Variants in ZNF280D observed in about 807,000 individuals in gnomAD.
ZNF280D encodes the protein suppressor of hairy wing homolog 4.
Under a neutral mutation model 94.7 loss-of-function variants are expected in ZNF280D, and 39 were observed. That is an observed-to-expected ratio of 0.41 (90% CI 0.32 to 0.54). The LOEUF is 0.54. ZNF280D is among the 20% of genes least tolerant of loss of function. The pLI, the probability that ZNF280D is intolerant of heterozygous loss-of-function variation, is 0.22. For missense variants in ZNF280D, 1,090 were observed against 1,149.3 expected, an observed-to-expected ratio of 0.95 and a Z score of 0.75; for synonymous variants, 398 against 377.6, an observed-to-expected ratio of 1.05 and a Z score of -0.63.
chr15:56,693,740 G>C (rs1422385834), intron 6 of ZNF280D, among the ~76,000 whole-genome samples: 2 of 151,994 alleles, frequency 1.3e-5, no homozygotes, highest in Non-Finnish European at 2.9e-5. Flanking sequence ...TGAGATATCA[G>C]GGCAAACAAA....
chr15:56,702,609 T>G (rs1473942925), intron 4 of ZNF280D, among the ~76,000 whole-genome samples: 1 of 152,152 alleles, frequency 6.6e-6, no homozygotes, highest in Non-Finnish European at 1.5e-5. Flanking sequence ...AGTTTGAATT[T>G]TGCAATATAA....
intron 9 of ZNF280D, among the ~76,000 whole-genome samples, chr15:56,686,912 A>G (rs1188198397): frequency 6.6e-6 from 1 of 152,148 alleles, no homozygotes; most frequent in African/African-American, 2.4e-5. Context: ...ATAGTCTCAG[A>G]TAAGTATATT....
chr15:56,723,422 C>T (rs2058475857), intron 1 of ZNF280D, among the ~76,000 whole-genome samples: 1 of 152,032 alleles, frequency 6.6e-6, no homozygotes, highest in East Asian at 1.9e-4. Flanking sequence ...TAACAGGTTT[C>T]CTTTTGAGGA....
At chr15:56,712,594 C>CAAAAAAAAAA (rs1171267893) in intron 1 of ZNF280D, among the ~76,000 whole-genome samples, 6 of 76,938 alleles carry the variant, frequency 7.8e-5, no homozygotes, top group South Asian at 6.8e-4. Context: ...ACCCTCATAC[C>CAAAAAAAAAA]AAAAAAAAAA....
chr15:56,658,358 T>G (rs1425522981), intron 17 of ZNF280D, 66 bp downstream of exon 17: 2 of 1,165,174 alleles, frequency 1.7e-6, no homozygotes, highest in Non-Finnish European at 2.5e-6. Context: ...AAAGCTGTTG[T>G]GTTAAAAAAA....
At chr15:56,723,482 G>A (rs2058479029) in intron 1 of ZNF280D, among the ~76,000 whole-genome samples, 2 of 152,138 alleles carry the variant, frequency 1.3e-5, no homozygotes, top group South Asian at 2.1e-4. Flanking sequence ...CACTATGAAT[G>A]TACTAAATGC....
At chr15:56,650,806 G>A (rs1238624174) in intron 19 of ZNF280D, among the ~76,000 whole-genome samples, 7 of 152,070 alleles carry the variant, frequency 4.6e-5, no homozygotes, top group Admixed American at 4.6e-4. Flanking sequence ...GAAAACAGAG[G>A]AGGGGAGAAA....
chr15:56,733,494 GGAGGAGGAGAAA>G lies in ZNF280D; in HGVS notation c.-134_-123del. The G allele has an allele frequency of 8.8e-7, 1 of 1,137,970 alleles. No homozygotes were observed. The highest frequency in any genetic ancestry group is 1.1e-6 in the Non-Finnish European group (1 of 916,264). 70.5% of individuals were successfully genotyped at this position (1,137,970 alleles called of 1,614,324 possible). On this transcript the variant is annotated 5_prime_UTR_variant, in exon 1 of 22. Transcript: ENST00000267807. ...CGGATCGGCCTGACTGGAGCCCTGA[GGAGGAGGAGAAA>G]GAGGAGGAGGAAAAGGAGGAGCACG...
intron 1 of ZNF280D, among the ~76,000 whole-genome samples, chr15:56,716,644 G>C (rs2058060900): frequency 6.6e-6 from 1 of 152,054 alleles, no homozygotes; most frequent in African/African-American, 2.4e-5. Context: ...ACCACTGAGG[G>C]ATTTTAAGTG....
At chr15:56,666,008 C>A (rs1212014777) in intron 16 of ZNF280D, among the ~76,000 whole-genome samples, 1 of 152,026 alleles carries the variant, frequency 6.6e-6, no homozygotes, top group African/African-American at 2.4e-5. Context: ...TGGTGGCTCA[C>A]ACCTGTTGTC....
intron 19 of ZNF280D, among the ~76,000 whole-genome samples, chr15:56,648,899 C>A (rs2053049948): frequency 6.6e-6 from 1 of 152,014 alleles, no homozygotes; most frequent in South Asian, 2.1e-4. Flanking sequence ...ATTTTGATTG[C>A]TGGTCTATTC....
chr15:56,669,889 T>A (rs868498497), intron 13 of ZNF280D, among the ~76,000 whole-genome samples: 10 of 1,942 alleles, frequency 5.1e-3, no homozygotes, highest in African/African-American at 9.0e-3. Flanking sequence ...ATATATATAT[T>A]ATATATATAT....
chr15:56,660,086 TCACAAAA>T (rs2053832438), intron 16 of ZNF280D, among the ~76,000 whole-genome samples: 1 of 152,042 alleles, frequency 6.6e-6, no homozygotes, highest in African/African-American at 2.4e-5. Flanking sequence ...TAAGATGGTA[TCACAAAA>T]ACAAAGTTTT....
rs2052037908 is a variant in ZNF280D, at chr15:56,630,604, AC to A, written c.*893del. 6.6e-6 allele frequency: 1 copy of A among 152,128 alleles called. No homozygotes were observed. Among genetic ancestry groups the A allele is most frequent in the Middle Eastern group, 3.2e-3 (1 of 316 alleles). The allele number at this position is 152,128 out of a possible 1,614,324, so 9.4% of individuals were successfully genotyped here. A position where few individuals can be genotyped will look rare whatever the true frequency, so the allele number is the denominator to read the frequency against. On this transcript the variant is annotated 3_prime_UTR_variant, in exon 22 of 22. Transcript: ENST00000267807. The stretch of plus-strand genomic sequence containing the variant: ...TACTGCTTTACAATATCTACATTAT[AC>A]CATACTTTGGTTTGGCTTCCAGACC...
intron 1 of ZNF280D, among the ~76,000 whole-genome samples, chr15:56,707,638 T>C (rs1205335134): frequency 6.6e-6 from 1 of 152,150 alleles, no homozygotes; most frequent in East Asian, 1.9e-4. Context: ...TCTTTAACGT[T>C]ATCTTTTCTT....
chr15:56,676,556 G>A (rs1218105403), intron 13 of ZNF280D, 114 bp downstream of exon 13: 3 of 877,786 alleles, frequency 3.4e-6, no homozygotes, highest in East Asian at 2.9e-5. Context: ...AATTAATAGT[G>A]TCATTTGGAA....
Position 56,631,185 on chromosome 15 carries a change from TATC to T in ZNF280D, c.*310_*312del, listed in dbSNP as rs1309622410. ...TGAAAGGCTTTATAAATATTACTAA[TATC>T]ATCAATTCATGTCAGCAACCAAATC... is the stretch of plus-strand genomic sequence containing the variant. On this transcript the variant is annotated 3_prime_UTR_variant, in exon 22 of 22. Coordinates refer to ENST00000267807, the MANE Select transcript of ZNF280D (RefSeq NM_017661.4). 8.2e-6 allele frequency: 2 copies of T among 244,026 alleles called. No individual in the cohort carries two copies. Among genetic ancestry groups the T allele is most frequent in the Non-Finnish European group, 1.6e-5 (2 of 125,576 alleles). 15.1% of individuals were successfully genotyped at this position (244,026 alleles called of 1,614,324 possible).
At position 56,631,620 on chromosome 15, in the gene ZNF280D, CACT is replaced by C. The variant is rs758560764; in HGVS notation, c.2815_2817del (p.Ser939del). On this transcript the variant is annotated inframe_deletion, in exon 22 of 22. Transcript: ENST00000267807. Reference sequence around the variant, plus strand: ...TCATCAGTCTTGGCTGAAGGATCACCACTACCTTTCTGAAGAATCTCTGTGGCT... The same window carrying C: ...TCATCAGTCTTGGCTGAAGGATCACCACCTTTCTGAAGAATCTCTGTGGCT... 2.3e-5 allele frequency: 37 copies of C among 1,614,010 alleles called. No individual in the cohort carries two copies. Among genetic ancestry groups the C allele is most frequent in the Middle Eastern group, 3.3e-4 (2 of 6,084 alleles).
intron 1 of ZNF280D, chr15:56,724,955 C>G (rs757197697): frequency 2.2e-6 from 1 of 444,498 alleles, no homozygotes; most frequent in South Asian, 1.6e-5. Context: ...CAGCAGTCAG[C>G]AATCCTGTAT....
Sources: gnomAD v4.1 joint callset for allele counts (sites outside exome capture counted in the v4.1 genomes callset) on GRCh38, gnomAD v4.1.1 for gene constraint, MANE v1.5 for transcripts, NCBI Gene and HGNC (gene_info 2026-07-23, HGNC 2026-07-21) for gene names.